The following ARSH variants were observed in gnomAD, a reference collection of about 807,000 sequenced individuals.
ARSH encodes arylsulfatase H.
In ARSH, 32 loss-of-function variants were observed where a neutral mutation model predicts 28.7. That is an observed-to-expected ratio of 1.11 (90% confidence interval 0.84 to 1.50). The LOEUF (loss-of-function observed/expected upper bound fraction) is 1.50. Ranked by LOEUF, ARSH falls within the 40% of genes most tolerant of loss-of-function variation. The probability of loss-of-function intolerance (pLI) is 0.00; values close to 1 mark genes in which losing one functional copy is unlikely to be tolerated. For synonymous variants in ARSH, 176 were observed against 177.3 expected, an observed-to-expected ratio of 0.99 and a Z score of 0.06; for missense variants, 440 against 452.4, an observed-to-expected ratio of 0.97 and a Z score of 0.25.
At chrX:3,007,660 G>C (rs2089832029) in intron 1 of ARSH, among the ~76,000 whole-genome samples, 1 of 109,151 alleles carries the variant, frequency 9.2e-6, no homozygotes, top group African/African-American at 3.3e-5. Flanking sequence ...GTGTGGGTCT[G>C]TGTCCTCATC....
In ARSH at chrX:3,033,021, C is replaced by A. The variant is rs748041650; in HGVS notation, c.1325C>A (p.Ala442Glu). 8.9e-5 allele frequency: 107 copies of A among 1,202,350 alleles called. No homozygotes were observed. The South Asian group carries it at 1.7e-3, about 19-fold the overall frequency. The change falls in exon 9 of 9, where the codon GCA becomes GAA. Residue 442 changes from alanine to glutamate, a missense_variant. By Grantham distance (107) the Ala-to-Glu change is moderately radical. Coordinates refer to ENST00000381130, the MANE Select transcript of ARSH (RefSeq NM_001011719.2). ...CATAATGCAACTTGTTTTTTAGGTG[C>A]AACTGTGTGGAAAGCTCATTATGTG... ...HTVRWHQKDC[A>E]TVWKAHYVTP...
At chrX:3,024,407 T>C (rs778095761) in intron 6 of ARSH, among the ~76,000 whole-genome samples, 1 of 110,679 alleles carries the variant, frequency 9.0e-6, no homozygotes, top group East Asian at 2.9e-4. Context: ...GTGGCAGATG[T>C]CCCAGCCTCC....
chrX:3,016,995 T>C (rs146040416), intron 4 of ARSH, among the ~76,000 whole-genome samples: 5,377 of 110,296 alleles, frequency 0.049, 325 homozygotes, highest in African/African-American at 0.17. Flanking sequence ...GATATATTGT[T>C]ACTCCACCAG....
intron 3 of ARSH, among the ~76,000 whole-genome samples, chrX:3,014,199 C>T (rs191762844): frequency 2.7e-5 from 3 of 111,449 alleles, no homozygotes; most frequent in Non-Finnish European, 5.6e-5. Flanking sequence ...CCAAGGAGTT[C>T]GAGGCTACAG....
chrX:3,007,883 CTG>C (rs1441796773), intron 1 of ARSH, among the ~76,000 whole-genome samples: 1 of 111,468 alleles, frequency 9.0e-6, no homozygotes, highest in African/African-American at 3.3e-5. Context: ...GGTCATCCCT[CTG>C]TGTGTGTCTG....
At chrX:3,012,586 TATATATATATATA>T (rs1569122650) in intron 2 of ARSH, among the ~76,000 whole-genome samples, 30 of 23,036 alleles carry the variant, frequency 1.3e-3, no homozygotes, top group African/African-American at 5.6e-3. Context: ...TATATATATA[TATATATATATATA>T]ATATATATAT....
At chrX:3,031,548 T>A (rs1427577087) in intron 8 of ARSH, among the ~76,000 whole-genome samples, 1 of 111,795 alleles carries the variant, frequency 8.9e-6, no homozygotes, top group Non-Finnish European at 1.9e-5. Flanking sequence ...GCAGGAGGAA[T>A]TTTCTCTGAT....
intron 5 of ARSH, among the ~76,000 whole-genome samples, chrX:3,023,366 C>A (rs748334253): frequency 1.9e-5 from 2 of 103,629 alleles, no homozygotes; most frequent in Non-Finnish European, 3.9e-5. Flanking sequence ...CATATTTTAT[C>A]TTATAGTTAA....
chrX:3,027,358 G>C lies in ARSH; in HGVS notation c.1082G>C (p.Gly361Ala), dbSNP rs2089901694. ...TGGGAAGGAGGTATCCGTGTGCCAG[G>C]GATATTCCGGTGGCCGTCAGTCTTG... is the stretch of plus-strand genomic sequence containing the variant. ...GGWEGGIRVPGIFRWPSVLEA... is the reference protein window; with the variant it reads ...GGWEGGIRVPAIFRWPSVLEA... The change falls in exon 7 of 9, where the codon GGG becomes GCG. Residue 361 changes from glycine to alanine, a missense_variant. Transcript: ENST00000381130. 14 of 1,211,413 alleles carry C rather than the reference G, an allele frequency of 1.2e-5. No homozygotes were observed. The highest frequency in any genetic ancestry group is 1.5e-5 in the Non-Finnish European group (13 of 895,375).
In ARSH at chrX:3,033,246, A is replaced by G. The variant is rs2089919816; in HGVS notation, c.1550A>G (p.His517Arg). ...IKKMEAAIRE[H>R]RRTLTPVPQQ... ...AAGATGGAGGCAGCCATAAGAGAGC[A>G]TCGTAGGACACTAACACCTGTCCCA... Residue 517 changes from histidine to arginine, a missense_variant, in exon 9 of 9, where the codon CAT becomes CGT. Coordinates refer to ENST00000381130, the MANE Select transcript of ARSH (RefSeq NM_001011719.2). The G allele has an allele frequency of 8.3e-6, 10 of 1,211,747 alleles. No homozygotes were observed. Among genetic ancestry groups the G allele is most frequent in the Non-Finnish European group, 7.8e-6 (7 of 895,507 alleles).
Position 3,015,025 on chromosome X carries a change from G to T in ARSH, c.396G>T (p.Pro132=). 1 of 1,211,132 alleles carries T rather than the reference G, an allele frequency of 8.3e-7. No individual in the cohort carries two copies. The highest frequency in any genetic ancestry group is 3.0e-5 in the East Asian group (1 of 33,824). Reference sequence around the variant, plus strand: ...CTCGGAATGATCACTGTTACCACCCGCTCAACCATGGTTTTCACTACTTTT... The same window carrying T: ...CTCGGAATGATCACTGTTACCACCCTCTCAACCATGGTTTTCACTACTTTT... ...CASRNDHCYH[P]LNHGFHYFYG... The change falls in exon 4 of 9, where the codon CCG becomes CCT. Residue 132 remains proline, a synonymous_variant. Transcript: ENST00000381130.
intron 5 of ARSH, among the ~76,000 whole-genome samples, chrX:3,021,487 G>A (rs985759630): frequency 1.8e-5 from 2 of 110,911 alleles, no homozygotes; most frequent in African/African-American, 3.3e-5. Context: ...AGTCAGACAG[G>A]TATCTCTGTG....
chrX:3,012,952 G>C, intron 2 of ARSH, 95 bp from the exon 3 acceptor site: 4 of 1,044,514 alleles, frequency 3.8e-6, no homozygotes, highest in Non-Finnish European at 5.2e-6. Flanking sequence ...GAATGGCTTT[G>C]AGGAGGTGCG....
intron 5 of ARSH, among the ~76,000 whole-genome samples, chrX:3,020,365 G>A (rs1409101011): frequency 9.5e-6 from 1 of 105,309 alleles, no homozygotes; most frequent in African/African-American, 3.5e-5. Flanking sequence ...CGAGGCGGGC[G>A]GATCACAAAG....
intron 6 of ARSH, among the ~76,000 whole-genome samples, chrX:3,024,369 A>G (rs188338185): frequency 9.4e-4 from 104 of 110,280 alleles, no homozygotes; most frequent in African/African-American, 3.3e-3. Flanking sequence ...CAACCCCAGG[A>G]GACAGCACAG....
At chrX:3,024,278 A>G in intron 6 of ARSH, 123 bp downstream of exon 6, 5 of 760,964 alleles carry the variant, frequency 6.6e-6, no homozygotes, top group Non-Finnish European at 8.7e-6. Flanking sequence ...GACTCTTATT[A>G]AGCTAGACCG....
intron 5 of ARSH, among the ~76,000 whole-genome samples, chrX:3,021,433 C>T (rs183982369): frequency 5.4e-5 from 6 of 111,247 alleles, no homozygotes; most frequent in Admixed American, 2.9e-4. Context: ...GAGTTTTCTC[C>T]GTCATTTCTT....
At chrX:3,013,488 G>A (rs1417421457) in intron 3 of ARSH, among the ~76,000 whole-genome samples, 5 of 105,186 alleles carry the variant, frequency 4.8e-5, no homozygotes, top group Non-Finnish European at 9.6e-5. Context: ...TTGTAGAGAA[G>A]TACTGTTGAA....
chrX:3,030,145 G>A (rs768990241), intron 8 of ARSH, among the ~76,000 whole-genome samples: 1 of 111,309 alleles, frequency 9.0e-6, no homozygotes, highest in African/African-American at 3.3e-5. Context: ...TTCACGGTGG[G>A]AAGCACCAGG....
Sources: gnomAD v4.1 joint callset for allele counts (sites outside exome capture counted in the v4.1 genomes callset) on GRCh38, gnomAD v4.1.1 for gene constraint, MANE v1.5 for transcripts, NCBI Gene and HGNC (gene_info 2026-07-23, HGNC 2026-07-21) for gene names.